PRELID2: variants seen among roughly 807,000 people sequenced by gnomAD.
PRELID2 encodes PRELI domain containing 2.
A neutral mutation model predicts 28.4 loss-of-function variants in PRELID2; 25 were observed. That is an observed-to-expected ratio of 0.88 (90% CI 0.64 to 1.23). The LOEUF is 1.23. PRELID2 is among the 50% of genes most tolerant of loss of function. PRELID2 has a pLI of 0.00. For missense variants in PRELID2, 201 were observed against 214.4 expected (o/e 0.94, Z 0.39); for synonymous variants, 76 against 71.6 (o/e 1.06, Z -0.31).
intron 1 of PRELID2, among the ~76,000 whole-genome samples, chr5:145,690,654 G>T (rs1328568701): frequency 1.3e-5 from 2 of 152,194 alleles, no homozygotes; most frequent in East Asian, 1.9e-4. Flanking sequence ...GTACTGTCAG[G>T]CCTTTTCAGT....
intron 1 of PRELID2, among the ~76,000 whole-genome samples, chr5:145,747,899 G>A (rs972728231): frequency 6.6e-5 from 10 of 151,978 alleles, no homozygotes; most frequent in Non-Finnish European, 1.3e-4. Flanking sequence ...CAGAACCAAA[G>A]ACAAAAATCA....
chr5:145,317,204 G>A, the PRELID2 span, among the ~76,000 whole-genome samples: 2 of 152,312 alleles, frequency 1.3e-5, no homozygotes, highest in Admixed American at 6.5e-5. Flanking sequence ...TCCCACAATG[G>A]TCCTTTGAGA....
rs142620740 is a variant in PRELID2, at chr5:145,487,985, G to A, written n.71-14670C>T. Among the ~76,000 whole-genome samples the A allele has an allele frequency of 6.1e-3, 922 of 151,624 alleles. 5 individuals are homozygous for A. The highest frequency in any genetic ancestry group is 0.021 in the African/African-American group (870 of 41,392). On this transcript the variant is annotated intron_variant and non_coding_transcript_variant, in intron 1 of 2. Transcript: ENST00000510259. ...TAAAAATACAAAAAATTAGCCGGGC[G>A]TGATGGTGCATACCTGTAGACCCAG...
chr5:145,427,154 C>T, the PRELID2 span, among the ~76,000 whole-genome samples: 3 of 152,256 alleles, frequency 2.0e-5, no homozygotes, highest in South Asian at 2.1e-4. Flanking sequence ...GGAGTGTTAA[C>T]AGATGACACT....
intron 1 of PRELID2, among the ~76,000 whole-genome samples, chr5:145,596,497 A>G (rs868835538): frequency 2.0e-5 from 3 of 152,060 alleles, no homozygotes; most frequent in Admixed American, 6.6e-5. Context: ...GAAGAATATC[A>G]AATTCTTCTC....
intron 1 of PRELID2, among the ~76,000 whole-genome samples, chr5:145,640,784 T>C (rs186855123): frequency 5.8e-4 from 89 of 152,156 alleles, no homozygotes; most frequent in Middle Eastern, 6.8e-3. Flanking sequence ...TACAAAACTA[T>C]AGTAATGAAG....
chr5:145,734,693 C>A (rs958036472), intron 1 of PRELID2, among the ~76,000 whole-genome samples: 1 of 152,164 alleles, frequency 6.6e-6, no homozygotes, highest in African/African-American at 2.4e-5. Flanking sequence ...TTATTTGAAT[C>A]ACTACCTGCC....
At position 145,709,315 on chromosome 5, in the gene PRELID2, C is replaced by T. The variant is rs557627349; in HGVS notation, n.70+55616G>A. On this transcript the variant is annotated intron_variant and non_coding_transcript_variant, in intron 1 of 2. Transcript: ENST00000510259. ...TTTCAAAGTGCAAATAATTAAGTAG[C>T]TTTCTGTGCTATCTCCCCCAGGTGA... is the stretch of plus-strand genomic sequence containing the variant. Among the ~76,000 whole-genome samples, 71 of 152,282 alleles carry T rather than the reference C, an allele frequency of 4.7e-4. 1 individual carries two copies. The highest frequency in any genetic ancestry group is 1.5e-3 in the African/African-American group (63 of 41,556).
chr5:145,749,504 A>G (rs1478553833), intron 1 of PRELID2, among the ~76,000 whole-genome samples: 1 of 152,244 alleles, frequency 6.6e-6, no homozygotes, highest in Non-Finnish European at 1.5e-5. Context: ...GAACACTTTT[A>G]CAGTGTTGGT....
the PRELID2 span, chr5:145,436,952 A>G: frequency 6.6e-6 from 1 of 152,126 alleles, no homozygotes; most frequent in Non-Finnish European, 1.5e-5. Context: ...CACCTAACAC[A>G]TCATATGGAA....
chr5:145,461,837 A>G, the PRELID2 span, among the ~76,000 whole-genome samples: 1 of 152,226 alleles, frequency 6.6e-6, no homozygotes, highest in African/African-American at 2.4e-5. Context: ...ATATTTATGT[A>G]TCCTCCCACA....
chr5:145,826,532 C>A (rs1477363953), intron 1 of PRELID2, among the ~76,000 whole-genome samples: 1 of 152,194 alleles, frequency 6.6e-6, no homozygotes, highest in Non-Finnish European at 1.5e-5. Flanking sequence ...AATTTCTTCA[C>A]AGAACGTGTA....
At chr5:145,768,543 T>C (rs2149777214) in intron 5 of PRELID2, among the ~76,000 whole-genome samples, 1 of 152,170 alleles carries the variant, frequency 6.6e-6, no homozygotes, top group Non-Finnish European at 1.5e-5. Flanking sequence ...AAATGTCTTC[T>C]TTCTATTTTC....
the PRELID2 span, among the ~76,000 whole-genome samples, chr5:145,379,527 G>A: frequency 6.6e-6 from 1 of 152,142 alleles, no homozygotes; most frequent in Non-Finnish European, 1.5e-5. Flanking sequence ...CACTCAGGGT[G>A]AGGTAGGATC....
intron 5 of PRELID2, among the ~76,000 whole-genome samples, chr5:145,767,580 C>T (rs1757844787): frequency 6.6e-6 from 1 of 152,136 alleles, no homozygotes; most frequent in South Asian, 2.1e-4. Context: ...CAAAGGCAAC[C>T]TCTAGATGCT....
intron 1 of PRELID2, among the ~76,000 whole-genome samples, chr5:145,689,615 T>C (rs1366345759): frequency 6.6e-6 from 1 of 152,166 alleles, no homozygotes. Flanking sequence ...TCTCCATAAA[T>C]ACCTTCCTGA....
the PRELID2 span, among the ~76,000 whole-genome samples, chr5:145,414,476 T>C: frequency 1.3e-5 from 2 of 152,230 alleles, no homozygotes; most frequent in Non-Finnish European, 2.9e-5. Flanking sequence ...TTATTTATTA[T>C]TATTTCCTGC....
At chr5:145,394,211 G>A in the PRELID2 span, among the ~76,000 whole-genome samples, 1 of 152,088 alleles carries the variant, frequency 6.6e-6, no homozygotes, top group Admixed American at 6.6e-5. Flanking sequence ...ACTGGATTAA[G>A]AAAATTTGGC....
intron 1 of PRELID2, among the ~76,000 whole-genome samples, chr5:145,570,397 T>G (rs1425518465): frequency 1.3e-4 from 20 of 151,722 alleles, no homozygotes; most frequent in Admixed American, 1.3e-3. Flanking sequence ...TCACTTGAAC[T>G]CTATCTTTGT....
Sources: allele counts gnomAD v4.1 joint callset (sites outside exome capture counted in the v4.1 genomes callset), GRCh38; gene constraint gnomAD v4.1.1; transcripts MANE v1.5; gene names NCBI Gene and HGNC (gene_info 2026-07-23, HGNC 2026-07-21).